CDK6: variants seen among roughly 807,000 people sequenced by gnomAD.
CDK6 encodes the protein cyclin-dependent kinase 6.
A neutral mutation model predicts 37.1 loss-of-function variants in CDK6; 6 were observed. The observed-to-expected ratio is 0.16, with a 90% CI of 0.09 to 0.32. CDK6 has a LOEUF of 0.32. CDK6 is among the 10% of genes least tolerant of loss of function. The probability of loss-of-function intolerance (pLI) is 1.00; values close to 1 mark genes in which losing one functional copy is unlikely to be tolerated. For synonymous variants in CDK6, 160 were observed against 161.3 expected, an observed-to-expected ratio of 0.99 and a Z score of 0.06; for missense variants, 224 against 418.9, an observed-to-expected ratio of 0.53 and a Z score of 4.06.
At chr7:92,829,710 C>T (rs1801428347) in intron 2 of CDK6, among the ~76,000 whole-genome samples, 1 of 152,172 alleles carries the variant, frequency 6.6e-6, no homozygotes, top group Admixed American at 6.5e-5. Flanking sequence ...TCAAAAAGCA[C>T]TTGATTCTGA....
intron 5 of CDK6, among the ~76,000 whole-genome samples, chr7:92,651,732 T>G (rs1384608068): frequency 6.6e-6 from 1 of 151,512 alleles, no homozygotes; most frequent in Non-Finnish European, 1.5e-5. Flanking sequence ...TGCATTTCTA[T>G]AACCTGAAAT....
At chr7:92,673,775 T>C (rs563419627) in intron 4 of CDK6, among the ~76,000 whole-genome samples, 1 of 152,070 alleles carries the variant, frequency 6.6e-6, no homozygotes, top group African/African-American at 2.4e-5. Context: ...CTTTTGTTCC[T>C]TCCTTTTTTT....
chr7:92,665,401 T>A (rs985550003), intron 5 of CDK6, among the ~76,000 whole-genome samples: 9 of 152,134 alleles, frequency 5.9e-5, no homozygotes, highest in African/African-American at 2.2e-4. Context: ...GGAGTAAGGA[T>A]GGGTTACTCT....
At position 92,615,550 on chromosome 7, in the gene CDK6, T is replaced by C. The variant is rs141334978; in HGVS notation, c.835-264A>G. Among the ~76,000 whole-genome samples the C allele has an allele frequency of 3.9e-5, 6 of 152,328 alleles. No individual in the cohort carries two copies. The East Asian group carries it at 1.2e-3, about 29-fold the overall frequency. Reference sequence around the variant, plus strand: ...TCTCACTAAGCCATTAAAGTATGCATATAACTTTATTTAGTAATTCTTCCA... The same window carrying C: ...TCTCACTAAGCCATTAAAGTATGCACATAACTTTATTTAGTAATTCTTCCA... On this transcript the variant is annotated intron_variant, in intron 7 of 7. Coordinates refer to ENST00000424848, the MANE Select transcript of CDK6 (RefSeq NM_001145306.2).
chr7:92,648,101 ATGTG>A lies in CDK6; in HGVS notation c.647+23321_647+23324del, dbSNP rs147465633. Among the ~76,000 whole-genome samples the A allele has an allele frequency of 6.6e-4, 101 of 151,910 alleles. No homozygotes were observed. The East Asian group carries it at 0.015, about 22-fold the overall frequency. ...ACACAACCCGTGTGTGTGTGTGGGT[ATGTG>A]TGTGTGTAAGTGTGTTCGTGCGTGC... On this transcript the variant is annotated intron_variant, in intron 5 of 7. Coordinates refer to ENST00000424848, the MANE Select transcript of CDK6 (RefSeq NM_001145306.2).
chr7:92,810,547 T>C (rs955762265), intron 2 of CDK6, among the ~76,000 whole-genome samples: 4 of 152,188 alleles, frequency 2.6e-5, no homozygotes, highest in Admixed American at 6.5e-5. Flanking sequence ...ACTTAAGAAG[T>C]AGACAACTGT....
chr7:92,676,015 A>C (rs1260156374), intron 4 of CDK6, among the ~76,000 whole-genome samples: 1 of 152,042 alleles, frequency 6.6e-6, no homozygotes, highest in Non-Finnish European at 1.5e-5. Context: ...TATATAAAAA[A>C]ACTGACATAA....
chr7:92,770,977 C>T (rs1799700280), intron 3 of CDK6, among the ~76,000 whole-genome samples: 1 of 151,984 alleles, frequency 6.6e-6, no homozygotes, highest in Non-Finnish European at 1.5e-5. Flanking sequence ...TAGCTCATGC[C>T]TGTAATCCCA....
At chr7:92,807,406 C>A (rs1800754944) in intron 2 of CDK6, among the ~76,000 whole-genome samples, 1 of 151,666 alleles carries the variant, frequency 6.6e-6, no homozygotes, top group Non-Finnish European at 1.5e-5. Context: ...CTAGAGATAT[C>A]TATCTAGATA....
intron 4 of CDK6, among the ~76,000 whole-genome samples, chr7:92,683,290 A>G (rs534929630): frequency 2.0e-5 from 3 of 152,326 alleles, no homozygotes; most frequent in East Asian, 3.9e-4. Context: ...TTTCCTTGCT[A>G]TGGAAACAGT....
At chr7:92,647,291 G>A (rs1194740605) in intron 5 of CDK6, among the ~76,000 whole-genome samples, 1 of 152,194 alleles carries the variant, frequency 6.6e-6, no homozygotes, top group Non-Finnish European at 1.5e-5. Flanking sequence ...ACTGTGCTAA[G>A]TGCTATGAAG....
chr7:92,714,352 G>T (rs1318696988), intron 4 of CDK6, among the ~76,000 whole-genome samples: 2 of 152,196 alleles, frequency 1.3e-5, no homozygotes, highest in Non-Finnish European at 2.9e-5. Context: ...GAGCAAAAAG[G>T]TCTGGATAGC....
chr7:92,832,292 G>A (rs539135660), intron 2 of CDK6, among the ~76,000 whole-genome samples: 28 of 152,208 alleles, frequency 1.8e-4, no homozygotes, highest in Non-Finnish European at 3.7e-4. Context: ...AGTAAGAACT[G>A]CTGTCTCCCC....
chr7:92,626,161 G>T lies in CDK6; in HGVS notation c.648-3075C>A, dbSNP rs73710421. On this transcript the variant is annotated intron_variant, in intron 5 of 7. Coordinates refer to ENST00000424848, the MANE Select transcript of CDK6 (RefSeq NM_001145306.2). The stretch of plus-strand genomic sequence containing the variant: ...TCTACTTAGTACACACTAATTGACT[G>T]ATTACCCAGTAAGTACATGCGGCTG... 4.6e-3 allele frequency among the ~76,000 whole-genome samples: 692 copies of T among 152,056 alleles called. 3 individuals carry two copies. Among genetic ancestry groups the T allele is most frequent in the African/African-American group, 0.016 (664 of 41,480 alleles).
chr7:92,703,478 A>G (rs1797900952), intron 4 of CDK6, among the ~76,000 whole-genome samples: 4 of 152,242 alleles, frequency 2.6e-5, no homozygotes, highest in African/African-American at 7.2e-5. Context: ...GTAAAAATAC[A>G]TTTCAAATGA....
At chr7:92,618,331 C>T (rs1795726382) in intron 6 of CDK6, 124 bp from the exon 7 acceptor site, 3 of 834,770 alleles carry the variant, frequency 3.6e-6, no homozygotes, top group Non-Finnish European at 5.6e-6. Context: ...AGGAGACCTT[C>T]ACTTTATCAC....
chr7:92,806,753 C>T (rs1033553497), intron 2 of CDK6, among the ~76,000 whole-genome samples: 19 of 152,130 alleles, frequency 1.2e-4, no homozygotes, highest in African/African-American at 3.6e-4. Context: ...ATAACAACTC[C>T]TTTGTTCACT....
chr7:92,671,572 G>T, intron 4 of CDK6, 37 bp from the exon 5 acceptor site: 1 of 1,327,212 alleles, frequency 7.5e-7, no homozygotes, highest in Non-Finnish European at 1.0e-6. Context: ...TACTGAGAAG[G>T]TGGCTGTTGG....
At chr7:92,775,139 C>T (rs538956246) in intron 2 of CDK6, among the ~76,000 whole-genome samples, 12 of 152,108 alleles carry the variant, frequency 7.9e-5, no homozygotes, top group African/African-American at 2.7e-4. Flanking sequence ...ATAGAACTTG[C>T]CAATGGGGAT....
Sources: allele counts gnomAD v4.1 joint callset (sites outside exome capture counted in the v4.1 genomes callset), GRCh38; gene constraint gnomAD v4.1.1; transcripts MANE v1.5; gene names NCBI Gene and HGNC (gene_info 2026-07-23, HGNC 2026-07-21).